Variants in DDX50 observed in about 807,000 individuals in gnomAD.
DDX50 encodes ATP-dependent RNA helicase DDX50.
In DDX50, 56 loss-of-function variants were observed where a neutral mutation model predicts 94.8. The observed-to-expected ratio is 0.59, with a 90% CI of 0.48 to 0.74. DDX50 has a LOEUF of 0.74. DDX50 is among the 30% of genes least tolerant of loss of function. The pLI, the probability that DDX50 is intolerant of heterozygous loss-of-function variation, is 0.00. For synonymous variants in DDX50, 264 were observed against 295.4 expected, an observed-to-expected ratio of 0.89 and a Z score of 1.09; for missense variants, 713 against 881.2, an observed-to-expected ratio of 0.81 and a Z score of 2.42.
intron 7 of DDX50, among the ~76,000 whole-genome samples, chr10:68,918,316 T>C (rs1234451493): frequency 6.6e-6 from 1 of 152,050 alleles, no homozygotes; most frequent in African/African-American, 2.4e-5. Flanking sequence ...AAGTATACAG[T>C]GTCATATAGT....
chr10:68,912,922 AG>A (rs1415004128), intron 4 of DDX50, among the ~76,000 whole-genome samples: 1 of 152,160 alleles, frequency 6.6e-6, no homozygotes, highest in Non-Finnish European at 1.5e-5. Context: ...AATGATAAAG[AG>A]GGGCAGGGGG....
At chr10:68,941,250 A>C (rs530313435) in intron 13 of DDX50, 56 bp downstream of exon 13, 22 of 1,585,672 alleles carry the variant, frequency 1.4e-5, no homozygotes, top group Non-Finnish European at 1.9e-5. Context: ...AAATGTTTAC[A>C]AACACTAGCA....
intron 1 of DDX50, among the ~76,000 whole-genome samples, chr10:68,906,048 T>A (rs888934054): frequency 6.6e-6 from 1 of 152,118 alleles, no homozygotes; most frequent in Non-Finnish European, 1.5e-5. Flanking sequence ...CCCGGTAGGG[T>A]TTGGGGCCTG....
At chr10:68,911,496 C>G (rs769580318) in intron 4 of DDX50, among the ~76,000 whole-genome samples, 6 of 152,106 alleles carry the variant, frequency 3.9e-5, no homozygotes, top group Admixed American at 6.6e-5. Context: ...GCCGGTATAT[C>G]TTATTTACAG....
At chr10:68,942,160 G>T (rs1057151217) in intron 13 of DDX50, among the ~76,000 whole-genome samples, 5 of 152,224 alleles carry the variant, frequency 3.3e-5, no homozygotes, top group South Asian at 2.1e-4. Flanking sequence ...TTGAGGACAT[G>T]CAGTTTGGTT....
chr10:68,932,082 C>T (rs1842288243), intron 8 of DDX50, among the ~76,000 whole-genome samples: 1 of 152,198 alleles, frequency 6.6e-6, no homozygotes, highest in Non-Finnish European at 1.5e-5. Context: ...CCTGTGATAG[C>T]ACACATCATA....
chr10:68,916,766 C>T (rs1362320200), intron 7 of DDX50, among the ~76,000 whole-genome samples: 1 of 152,190 alleles, frequency 6.6e-6, no homozygotes, highest in East Asian at 1.9e-4. Context: ...ACGCTGCAAC[C>T]TCCACCTCCC....
rs940741291 is a variant in DDX50, at chr10:68,934,604, A to C, written c.1402-195A>C. ...AATTACAAAAAGTTGCCATAAAGAA[A>C]CCTGGGATGAGGTGGATTAAAAGGT... On this transcript the variant is annotated intron_variant, in intron 9 of 14. Coordinates refer to ENST00000373585, the MANE Select transcript of DDX50 (RefSeq NM_024045.2). The surrounding 1 kb of genome is among the most constrained non-coding windows in gnomAD (Gnocchi z 4.0). 1.3e-5 allele frequency among the ~76,000 whole-genome samples: 2 copies of C among 152,122 alleles called. No homozygotes were observed. The highest frequency in any genetic ancestry group is 2.4e-5 in the African/African-American group (1 of 41,432).
At position 68,913,484 on chromosome 10, in the gene DDX50, T is replaced by C; in HGVS notation, c.851T>C (p.Leu284Pro). The C allele has an allele frequency of 6.2e-7, 1 of 1,614,190 alleles. No homozygotes were observed. The highest frequency in any genetic ancestry group is 8.5e-7 in the Non-Finnish European group (1 of 1,180,024). The change falls in exon 6 of 15, where the codon CTG becomes CCG. Residue 284 changes from leucine to proline, a missense_variant. By Grantham distance (98) the Leu-to-Pro change is moderately conservative. Around this residue, in one of 2 missense-constraint regions of DDX50, gnomAD observed 428 missense variants for 602.3 expected, o/e 0.71. Coordinates refer to ENST00000373585, the MANE Select transcript of DDX50 (RefSeq NM_024045.2). The stretch of plus-strand genomic sequence containing the variant: ...AGTGGCCGATTGGATCTTTCTAAAC[T>C]GCGACATGTTGTGCTTGATGAAGTG... The part of the protein sequence containing the change: ...LQSGRLDLSK[L>P]RHVVLDEVDQ...
chr10:68,934,339 G>T lies in DDX50; in HGVS notation c.1380G>T (p.Val460=). The T allele has an allele frequency of 1.2e-6, 2 of 1,613,686 alleles. No individual in the cohort carries two copies. The highest frequency in any genetic ancestry group is 2.2e-5 in the East Asian group (1 of 44,870). The change falls in exon 9 of 15, where the codon GTG becomes GTT. Residue 460 remains valine (V), a synonymous_variant. Coordinates refer to ENST00000373585, the MANE Select transcript of DDX50 (RefSeq NM_024045.2). This position sits in a 1 kb window ranked among gnomAD's most constrained non-coding sequence, Gnocchi z 4.0. ...RGLDIPEVDL[V]IQSSPPQDVE... is the part of the protein sequence containing the mutation. Reference sequence around the variant, plus strand: ...TGGACATTCCTGAAGTTGACCTGGTGATTCAAAGTTCTCCTCCTCAGGTAG... The same window carrying T: ...TGGACATTCCTGAAGTTGACCTGGTTATTCAAAGTTCTCCTCCTCAGGTAG...
At chr10:68,912,202 T>G (rs1490009133) in intron 4 of DDX50, among the ~76,000 whole-genome samples, 1 of 152,018 alleles carries the variant, frequency 6.6e-6, no homozygotes, top group African/African-American at 2.4e-5. Flanking sequence ...GCTTTTTTTT[T>G]GTTTTGTTTT....
At chr10:68,941,911 A>T (rs1191669828) in intron 13 of DDX50, among the ~76,000 whole-genome samples, 2 of 152,142 alleles carry the variant, frequency 1.3e-5, no homozygotes, top group African/African-American at 4.8e-5. Flanking sequence ...AAGTGCTGGG[A>T]TTACAGGCGT....
chr10:68,938,271 C>G (rs986701509), intron 12 of DDX50, among the ~76,000 whole-genome samples: 4 of 152,048 alleles, frequency 2.6e-5, no homozygotes, highest in African/African-American at 9.7e-5. Context: ...TAAGAAATGC[C>G]TGTGTGTGTG....
Position 68,921,756 on chromosome 10 carries a change from A to T in DDX50, c.1239+1775A>T, listed in dbSNP as rs145769630. Reference sequence around the variant, plus strand: ...TACCTCAAAATTATTTTGGCTCTATATAAAATTCTTGGTTCACATTTTCTT... The same window carrying T: ...TACCTCAAAATTATTTTGGCTCTATTTAAAATTCTTGGTTCACATTTTCTT... On this transcript the variant is annotated intron_variant, in intron 8 of 14. Transcript: ENST00000373585. 2.0e-4 allele frequency among the ~76,000 whole-genome samples: 31 copies of T among 152,302 alleles called. No individual in the cohort carries two copies. In the East Asian group the frequency reaches 5.8e-3, roughly 28 times the overall value.
rs11367137 is a variant in DDX50, at chr10:68,920,947, CAAAAAA to C, written c.1239+978_1239+983del. ...TGGATGACAGAGTGAGACTCCATCT[CAAAAAA>C]AAAAAAAAAAAGAAAGGGAAAAAAA... On this transcript the variant is annotated intron_variant, in intron 8 of 14. Coordinates refer to ENST00000373585, the MANE Select transcript of DDX50 (RefSeq NM_024045.2). 7.0e-5 allele frequency among the ~76,000 whole-genome samples: 6 copies of C among 86,102 alleles called. No homozygotes were observed. The East Asian group carries it at 2.1e-3, about 30-fold the overall frequency. The allele number at this position is 86,102 out of a possible 152,430, so 56.5% of individuals were successfully genotyped here.
At chr10:68,907,342 G>GTTTTTTTTTTTT in intron 2 of DDX50, among the ~76,000 whole-genome samples, 1 of 133,414 alleles carries the variant, frequency 7.5e-6, no homozygotes. Flanking sequence ...TTGAGTCAGA[G>GTTTTTTTTTTTT]TCTCTCTCTG....
At chr10:68,901,543 T>C (rs1433022226) in intron 1 of DDX50, 72 bp downstream of exon 1, 9 of 1,460,208 alleles carry the variant, frequency 6.2e-6, no homozygotes, top group Non-Finnish European at 4.6e-6. Flanking sequence ...TGTCTGTCCC[T>C]GATGATGGCC....
rs531444297 is a variant in DDX50, at chr10:68,926,093, G to A, written c.1239+6112G>A. Among the ~76,000 whole-genome samples the A allele has an allele frequency of 2.8e-5, 4 of 141,938 alleles. No individual in the cohort carries two copies. In the South Asian group the frequency reaches 9.5e-4, roughly 34 times the overall value. 93.1% of individuals were successfully genotyped at this position (141,938 alleles called of 152,430 possible). Reference sequence around the variant, plus strand: ...CTTGGGAGGCTGAGGCAAGAGGATTGCCTGAGCCCAAGAGTTAGAGGTTGC... The same window carrying A: ...CTTGGGAGGCTGAGGCAAGAGGATTACCTGAGCCCAAGAGTTAGAGGTTGC... On this transcript the variant is annotated intron_variant, in intron 8 of 14. Coordinates refer to ENST00000373585, the MANE Select transcript of DDX50 (RefSeq NM_024045.2).
At chr10:68,908,286 A>G (rs1348716780) in intron 2 of DDX50, among the ~76,000 whole-genome samples, 1 of 152,004 alleles carries the variant, frequency 6.6e-6, no homozygotes, top group East Asian at 1.9e-4. Flanking sequence ...ACCTGTCTCT[A>G]CTAAATACAA....
Sources: gnomAD v4.1 joint callset for allele counts (sites outside exome capture counted in the v4.1 genomes callset) on GRCh38, gnomAD v4.1.1 for gene constraint, gnomAD v4.1.1 regional missense constraint, Gnocchi (gnomAD v3.1) non-coding constraint, MANE v1.5 for transcripts, NCBI Gene and HGNC (gene_info 2026-07-23, HGNC 2026-07-21) for gene names.